CENPC: variants seen among roughly 807,000 people sequenced by gnomAD.
CENPC encodes the protein CENP-C 1.
CENPC carries 63 observed loss-of-function variants against 112.1 expected under a neutral mutation model. The ratio of observed to expected loss-of-function variants is 0.56; its 90% CI spans 0.46 to 0.69. CENPC has a LOEUF of 0.69. Among genes scored for constraint, CENPC ranks in the 30% least tolerant of loss-of-function variants. CENPC has a pLI of 0.00. For missense variants in CENPC, 1,000 were observed against 1,103.8 expected, an observed-to-expected ratio of 0.91 and a Z score of 1.33; for synonymous variants, 333 against 367.6, an observed-to-expected ratio of 0.91 and a Z score of 1.08.
chr4:67,497,600 A>G (rs1267258935), intron 12 of CENPC, among the ~76,000 whole-genome samples: 1 of 152,074 alleles, frequency 6.6e-6, no homozygotes, highest in African/African-American at 2.4e-5. Flanking sequence ...TGGTGGGATC[A>G]AGACTCACTG....
intron 18 of CENPC, among the ~76,000 whole-genome samples, chr4:67,473,550 C>T (rs1577967420): frequency 6.6e-6 from 1 of 152,036 alleles, no homozygotes; most frequent in East Asian, 1.9e-4. Flanking sequence ...ATAGTAGACA[C>T]TTTGTTTTGT....
chr4:67,533,712 T>C (rs938859029), intron 4 of CENPC, among the ~76,000 whole-genome samples: 9 of 151,930 alleles, frequency 5.9e-5, no homozygotes, highest in Non-Finnish European at 1.2e-4. Context: ...GAGAAACCTA[T>C]AAAGATTAGT....
intron 16 of CENPC, among the ~76,000 whole-genome samples, chr4:67,491,446 CATATATATATATATATATATATAT>C (rs58687245): frequency 4.1e-4 from 15 of 36,566 alleles, no homozygotes; most frequent in African/African-American, 1.1e-3. Context: ...TTAAATATTT[CATATATATATATATATATATATAT>C]ATATATATAT....
chr4:67,535,857 C>T (rs765745990), intron 4 of CENPC, among the ~76,000 whole-genome samples: 2 of 152,136 alleles, frequency 1.3e-5, no homozygotes, highest in Non-Finnish European at 2.9e-5. Context: ...GCAATATAAA[C>T]ATTATTTAGA....
rs530483634 is a variant in CENPC, at chr4:67,517,952, T to C, written c.830+204A>G. Among the ~76,000 whole-genome samples the C allele has an allele frequency of 3.3e-5, 5 of 152,236 alleles. No individual in the cohort carries two copies. The South Asian group carries it at 1.0e-3, about 32-fold the overall frequency. On this transcript the variant is annotated intron_variant, in intron 7 of 18. Transcript: ENST00000273853. ...AAACTTGTTTTCTTTCAAGTCTAAT[T>C]TAGTATCTATTAAAAAATGGCTTTG...
At chr4:67,529,175 G>A (rs9991492) in intron 5 of CENPC, among the ~76,000 whole-genome samples, 2,922 of 152,102 alleles carry the variant, frequency 0.019, 104 homozygotes, top group African/African-American at 0.067. Context: ...TATTTGGGTT[G>A]TTTGGTTTTT....
intron 5 of CENPC, 140 bp from the exon 6 acceptor site, chr4:67,519,642 C>A: frequency 1.6e-6 from 1 of 638,950 alleles, no homozygotes; most frequent in Non-Finnish European, 2.5e-6. Flanking sequence ...AATCAAAGAT[C>A]TATGATTAAA....
At chr4:67,509,269 T>C (rs1383456612) in intron 9 of CENPC, among the ~76,000 whole-genome samples, 164 bp from the exon 10 acceptor site, 1 of 150,296 alleles carries the variant, frequency 6.7e-6, no homozygotes, top group African/African-American at 2.5e-5. Context: ...TCAGGCTAAA[T>C]TTATTTCCAA....
Position 67,492,222 on chromosome 4 carries a change from T to C in CENPC, c.2473A>G (p.Thr825Ala), listed in dbSNP as rs371916667. The change falls in exon 16 of 19, where the codon ACG (threonine) becomes GCG (alanine). Residue 825 changes from threonine (T) to alanine (A), a missense_variant. By Grantham distance (58) the Thr-to-Ala change is moderately conservative. Transcript: ENST00000273853. ...CTTGTTTCTGGGTCCTTTACCCTCG[T>C]TGGCTGCAAAGGATCTCCAAGAGGT... ...GIPLGDPLQP[T>A]RVKDPETREI... 1 of 1,570,436 alleles carries C rather than the reference T, an allele frequency of 6.4e-7. No homozygotes were observed. The highest frequency in any genetic ancestry group is 8.7e-7 in the Non-Finnish European group (1 of 1,155,648).
At chr4:67,523,274 C>T (rs1354137129) in intron 5 of CENPC, among the ~76,000 whole-genome samples, 1 of 150,564 alleles carries the variant, frequency 6.6e-6, no homozygotes, top group Non-Finnish European at 1.5e-5. Context: ...GATCACGCCA[C>T]TGCATTTCAG....
Position 67,472,569 on chromosome 4 carries a change from A to C in CENPC, c.*36T>G. 7.0e-7 allele frequency: 1 copy of C among 1,426,094 alleles called. No individual in the cohort carries two copies. The highest frequency in any genetic ancestry group is 9.1e-7 in the Non-Finnish European group (1 of 1,093,046). The allele number at this position is 1,426,094 out of a possible 1,614,324, so 88.3% of individuals were successfully genotyped here. ...TATACAAACTGTTTTTCACATATAC[A>C]TATATACATACATATATTTAAGGTT... is the stretch of plus-strand genomic sequence containing the variant. On this transcript the variant is annotated 3_prime_UTR_variant, in exon 19 of 19. Transcript: ENST00000273853.
chr4:67,538,834 T>C (rs1190180992), intron 4 of CENPC, among the ~76,000 whole-genome samples: 4 of 152,246 alleles, frequency 2.6e-5, no homozygotes, highest in Non-Finnish European at 4.4e-5. Flanking sequence ...AGAAGAATTT[T>C]GCCTCAGAAG....
At chr4:67,517,575 A>G (rs28756365) in intron 7 of CENPC, among the ~76,000 whole-genome samples, 1 of 150,576 alleles carries the variant, frequency 6.6e-6, no homozygotes, top group African/African-American at 2.5e-5. Context: ...CGGTGGCTCA[A>G]GCTTGTAATC....
chr4:67,524,343 A>G (rs931904878), intron 5 of CENPC, among the ~76,000 whole-genome samples: 1 of 139,720 alleles, frequency 7.2e-6, no homozygotes, highest in Admixed American at 7.8e-5. Context: ...CAGGCAAGAG[A>G]AAGAAATAAA....
At chr4:67,481,299 G>A (rs1158371817) in intron 17 of CENPC, among the ~76,000 whole-genome samples, 1 of 152,152 alleles carries the variant, frequency 6.6e-6, no homozygotes, top group African/African-American at 2.4e-5. Flanking sequence ...TGGATGGGTA[G>A]AACCAGTATT....
intron 17 of CENPC, among the ~76,000 whole-genome samples, chr4:67,481,966 C>T (rs1001441518): frequency 5.3e-5 from 8 of 152,060 alleles, no homozygotes; most frequent in African/African-American, 1.9e-4. Flanking sequence ...CAGGCAACGG[C>T]AGAGTAAACA....
At chr4:67,490,260 A>G (rs1725204320) in intron 16 of CENPC, 139 bp from the exon 17 acceptor site, 1 of 525,310 alleles carries the variant, frequency 1.9e-6, no homozygotes, top group Non-Finnish European at 3.1e-6. Flanking sequence ...TTAACTCTGG[A>G]GCTAGAATGC....
chr4:67,528,646 C>A (rs968671934), intron 5 of CENPC, among the ~76,000 whole-genome samples: 1 of 152,134 alleles, frequency 6.6e-6, no homozygotes, highest in African/African-American at 2.4e-5. Flanking sequence ...TGTTATATAG[C>A]AGAACTTTGT....
chr4:67,532,293 T>C (rs1429710678), intron 4 of CENPC, among the ~76,000 whole-genome samples: 2 of 152,184 alleles, frequency 1.3e-5, no homozygotes, highest in Non-Finnish European at 2.9e-5. Flanking sequence ...TTTTACACTG[T>C]TGGTGGGACT....
Sources: gnomAD v4.1 joint callset for allele counts (sites outside exome capture counted in the v4.1 genomes callset) on GRCh38, gnomAD v4.1.1 for gene constraint, MANE v1.5 for transcripts, NCBI Gene and HGNC (gene_info 2026-07-23, HGNC 2026-07-21) for gene names.